Variants in GRM1 observed in about 807,000 individuals in gnomAD.
GRM1 encodes metabotropic glutamate receptor 1.
In GRM1, 33 loss-of-function variants were observed where a neutral mutation model predicts 90.9. That is an observed-to-expected ratio of 0.36 (90% CI 0.28 to 0.49). The LOEUF is 0.49. Among genes scored for constraint, GRM1 ranks in the 20% least tolerant of loss-of-function variants. The probability of loss-of-function intolerance (pLI) is 0.99; values close to 1 mark genes in which losing one functional copy is unlikely to be tolerated. For missense variants in GRM1, 1,190 were observed against 1,534.3 expected (o/e 0.78, Z 3.75); for synonymous variants, 700 against 613.2 (o/e 1.14, Z -2.09).
chr6:146,200,397 G>T (rs898245994), intron 2 of GRM1, among the ~76,000 whole-genome samples: 1 of 152,216 alleles, frequency 6.6e-6, no homozygotes, highest in Admixed American at 6.5e-5. Context: ...TCTAGAGATT[G>T]TTCCCATGAT....
At chr6:146,292,261 T>C (rs1273117750) in intron 2 of GRM1, among the ~76,000 whole-genome samples, 4 of 151,922 alleles carry the variant, frequency 2.6e-5, no homozygotes, top group African/African-American at 9.7e-5. Flanking sequence ...TGACATCAAA[T>C]GCATTACCAA....
At chr6:146,075,481 T>C (rs544536654) in intron 1 of GRM1, among the ~76,000 whole-genome samples, 1 of 152,208 alleles carries the variant, frequency 6.6e-6, no homozygotes, top group African/African-American at 2.4e-5. Flanking sequence ...CAGAGCAGGG[T>C]GAGGATGATG....
chr6:146,124,153 A>T (rs1434653422), intron 1 of GRM1, among the ~76,000 whole-genome samples: 1 of 152,198 alleles, frequency 6.6e-6, no homozygotes, highest in African/African-American at 2.4e-5. Context: ...ACAGATGAAA[A>T]AATAAATACT....
intron 1 of GRM1, among the ~76,000 whole-genome samples, chr6:146,121,126 G>A (rs1036952336): frequency 6.6e-6 from 1 of 152,082 alleles, no homozygotes; most frequent in African/African-American, 2.4e-5. Context: ...CCTCTTATTG[G>A]TCTATTCAGA....
chr6:146,397,484 G>GAAAAAAAAA (rs577471775), intron 6 of GRM1, among the ~76,000 whole-genome samples: 88 of 45,022 alleles, frequency 2.0e-3, no homozygotes, highest in Non-Finnish European at 3.2e-3. Flanking sequence ...AAAAAAAAAA[G>GAAAAAAAAA]AAAAAAAAAA....
At chr6:146,374,411 T>C (rs1776017985) in intron 5 of GRM1, among the ~76,000 whole-genome samples, 1 of 152,204 alleles carries the variant, frequency 6.6e-6, no homozygotes, top group African/African-American at 2.4e-5. Context: ...TTTCTCCTCC[T>C]CTATTTTTTG....
At chr6:146,402,643 A>T (rs1777198889) in intron 7 of GRM1, among the ~76,000 whole-genome samples, 1 of 152,180 alleles carries the variant, frequency 6.6e-6, no homozygotes, top group African/African-American at 2.4e-5. Flanking sequence ...ATGTGTAGCT[A>T]TAAACACAGA....
chr6:146,145,639 A>G (rs1190766466), intron 1 of GRM1, among the ~76,000 whole-genome samples: 3 of 152,226 alleles, frequency 2.0e-5, no homozygotes. Flanking sequence ...CCTAGATTCT[A>G]CAGGATGTCA....
intron 6 of GRM1, among the ~76,000 whole-genome samples, chr6:146,394,738 G>T (rs1471514813): frequency 3.3e-5 from 5 of 152,182 alleles, no homozygotes; most frequent in Admixed American, 2.6e-4. Context: ...GCCATTGTGA[G>T]GATTGTGGCT....
chr6:146,328,615 C>T (rs982122072), intron 3 of GRM1, among the ~76,000 whole-genome samples: 18 of 152,256 alleles, frequency 1.2e-4, no homozygotes, highest in African/African-American at 4.3e-4. Context: ...TACATATATT[C>T]AACACTATTT....
At chr6:146,311,010 A>C (rs1783752349) in intron 3 of GRM1, among the ~76,000 whole-genome samples, 1 of 152,222 alleles carries the variant, frequency 6.6e-6, no homozygotes, top group Non-Finnish European at 1.5e-5. Flanking sequence ...AAAGGTATTC[A>C]TAGCTTTGTA....
At chr6:146,118,259 C>T (rs1242660361) in intron 1 of GRM1, among the ~76,000 whole-genome samples, 2 of 150,978 alleles carry the variant, frequency 1.3e-5, no homozygotes, top group African/African-American at 2.4e-5. Context: ...CCTGCCTCAG[C>T]CTCCTGAGTA....
intron 7 of GRM1, among the ~76,000 whole-genome samples, chr6:146,424,858 T>C (rs952217940): frequency 3.3e-5 from 5 of 152,268 alleles, no homozygotes; most frequent in African/African-American, 1.2e-4. Flanking sequence ...TCATTTTACA[T>C]ATTACTTCCC....
chr6:146,354,030 C>T (rs748464495), intron 4 of GRM1, among the ~76,000 whole-genome samples: 1 of 152,218 alleles, frequency 6.6e-6, no homozygotes, highest in Admixed American at 6.5e-5. Flanking sequence ...AAGTCCTGCA[C>T]TTAGGGAGTA....
chr6:146,034,866 T>C (rs1049585469), intron 1 of GRM1, among the ~76,000 whole-genome samples: 2 of 152,026 alleles, frequency 1.3e-5, no homozygotes, highest in East Asian at 3.9e-4. Flanking sequence ...AAAGATTTAC[T>C]GCATAAAAAC....
intron 2 of GRM1, among the ~76,000 whole-genome samples, chr6:146,160,475 G>C (rs1419439337): frequency 1.3e-5 from 2 of 152,106 alleles, no homozygotes; most frequent in African/African-American, 4.8e-5. Context: ...GTTTTCCCCA[G>C]GAACCTACTG....
intron 1 of GRM1, among the ~76,000 whole-genome samples, chr6:146,136,848 G>C (rs1248875696): frequency 1.7e-5 from 2 of 119,460 alleles, no homozygotes; most frequent in East Asian, 5.1e-4. Flanking sequence ...TTGTACAGAA[G>C]CTTTTTTTTT....
chr6:146,328,926 T>C (rs1441021137), intron 3 of GRM1, among the ~76,000 whole-genome samples: 1 of 152,164 alleles, frequency 6.6e-6, no homozygotes, highest in Non-Finnish European at 1.5e-5. Flanking sequence ...TTATCCTTCA[T>C]CCTCAATAGG....
chr6:146,114,221 A>G (rs1775661151), intron 1 of GRM1, among the ~76,000 whole-genome samples: 2 of 152,228 alleles, frequency 1.3e-5, no homozygotes, highest in African/African-American at 2.4e-5. Context: ...TCAGAATAGA[A>G]TACTAATGGT....
Sources: allele counts gnomAD v4.1 joint callset (sites outside exome capture counted in the v4.1 genomes callset), GRCh38; gene constraint gnomAD v4.1.1; transcripts MANE v1.5; gene names NCBI Gene and HGNC (gene_info 2026-07-23, HGNC 2026-07-21).